Variants in DDX4 observed in about 807,000 individuals in gnomAD.
The protein encoded by DDX4 is probable ATP-dependent RNA helicase DDX4.
Under a neutral mutation model 100.0 loss-of-function variants are expected in DDX4, and 25 were observed. The observed-to-expected ratio is 0.25, with a 90% CI of 0.18 to 0.35. The LOEUF (loss-of-function observed/expected upper bound fraction) is 0.35, where lower values mean the gene tolerates loss of function less well. Among genes scored for constraint, DDX4 ranks in the 10% least tolerant of loss-of-function variants. DDX4 has a pLI of 1.00. For missense variants in DDX4, 635 were observed against 882.4 expected, an observed-to-expected ratio of 0.72 and a Z score of 3.55; for synonymous variants, 259 against 275.7, an observed-to-expected ratio of 0.94 and a Z score of 0.60.
chr5:55,815,460 G>T, intron 21 of DDX4, 37 bp downstream of exon 21: 2 of 1,585,154 alleles, frequency 1.3e-6, no homozygotes, highest in Non-Finnish European at 1.7e-6. Context: ...TTGTCTTCTA[G>T]TTACTCTTTG....
At chr5:55,766,020 C>T (rs186243825) in intron 6 of DDX4, among the ~76,000 whole-genome samples, 31 of 148,102 alleles carry the variant, frequency 2.1e-4, no homozygotes, top group Middle Eastern at 7.1e-3. Context: ...GGTTTCGTCA[C>T]GTTGGCCAGG....
rs916347839 is a variant in DDX4 at position 55,813,781 on chromosome 5, A to G, written c.1715+9A>G. 1.3e-6 allele frequency: 2 copies of G among 1,566,132 alleles called. No individual in the cohort carries two copies. Among genetic ancestry groups the G allele is most frequent in the South Asian group, 1.2e-5 (1 of 80,184 alleles). On this transcript the variant is annotated intron_variant, in intron 19 of 21. Transcript: ENST00000505374. Reference sequence around the variant, plus strand: ...ACTACAAGTATTCATGGGTGAGTAGATGAATATAATTACCTATTAGGGGAA... The same window carrying G: ...ACTACAAGTATTCATGGGTGAGTAGGTGAATATAATTACCTATTAGGGGAA...
Position 55,815,360 on chromosome 5 carries a change from A to T in DDX4, c.2034A>T (p.Thr678=), listed in dbSNP as rs767801524. The T allele has an allele frequency of 6.2e-7, 1 of 1,613,832 alleles. No homozygotes were observed. The highest frequency in any genetic ancestry group is 1.1e-5 in the South Asian group (1 of 90,918). The part of the protein sequence containing the change: ...PAWLEEIAFS[T]YIPGFSGSTR... ...GGTTGGAAGAAATTGCCTTTAGTACATACATTCCTGGCTTCAGTGGTAGTA... is the reference window on the plus strand; with the variant it reads ...GGTTGGAAGAAATTGCCTTTAGTACTTACATTCCTGGCTTCAGTGGTAGTA... Residue 678 remains threonine (T), a synonymous_variant, in exon 21 of 22, where the codon ACA becomes ACT. Transcript: ENST00000505374.
Position 55,779,959 on chromosome 5 carries a change from T to TATA in DDX4, c.395-4_395-2dup. On this transcript the variant is annotated splice_region_variant and splice_polypyrimidine_tract_variant and intron_variant, in intron 7 of 21. Coordinates refer to ENST00000505374, the MANE Select transcript of DDX4 (RefSeq NM_024415.3). ...GTTGTTCTTGTGTGTGTTTTAACAT[T>TATA]ATAGGCTATCGAGATGGAAATAATT... is the stretch of plus-strand genomic sequence containing the variant. 6.2e-7 allele frequency: 1 copy of TATA among 1,613,312 alleles called. No homozygotes were observed.
intron 7 of DDX4, among the ~76,000 whole-genome samples, chr5:55,778,590 G>A: frequency 6.6e-6 from 1 of 152,098 alleles, no homozygotes; most frequent in East Asian, 1.9e-4. Flanking sequence ...CAACAAAGTT[G>A]AATAAAAGGA....
chr5:55,764,134 T>A, intron 6 of DDX4, 70 bp downstream of exon 6: 1 of 1,168,658 alleles, frequency 8.6e-7, no homozygotes, highest in Non-Finnish European at 1.3e-6. Context: ...AAATTAAGAT[T>A]AAGTCTCTTA....
At chr5:55,774,757 T>G (rs141147407) in intron 7 of DDX4, among the ~76,000 whole-genome samples, 280 of 152,296 alleles carry the variant, frequency 1.8e-3, no homozygotes, top group African/African-American at 4.8e-3. Flanking sequence ...CTAGCACCAT[T>G]TGTTGATGTT....
At chr5:55,772,291 A>G (rs534746888) in intron 7 of DDX4, among the ~76,000 whole-genome samples, 1 of 152,292 alleles carries the variant, frequency 6.6e-6, no homozygotes, top group African/African-American at 2.4e-5. Flanking sequence ...TTTTTTCCAT[A>G]TAGATGTTCA....
At chr5:55,753,511 G>A (rs1361740919) in intron 3 of DDX4, among the ~76,000 whole-genome samples, 1 of 152,148 alleles carries the variant, frequency 6.6e-6, no homozygotes, top group African/African-American at 2.4e-5. Context: ...TGAGGGCTCT[G>A]TTCTGTTCCA....
chr5:55,773,025 A>G (rs1741346576), intron 7 of DDX4: 1 of 152,258 alleles, frequency 6.6e-6, no homozygotes, highest in Non-Finnish European at 1.5e-5. Flanking sequence ...TTGCATTGCT[A>G]TAACAAAATG....
intron 16 of DDX4, among the ~76,000 whole-genome samples, chr5:55,791,690 A>G (rs1164641903): frequency 6.6e-6 from 1 of 152,230 alleles, no homozygotes; most frequent in African/African-American, 2.4e-5. Flanking sequence ...GTATTGTCCA[A>G]TACAGTAACC....
intron 3 of DDX4, among the ~76,000 whole-genome samples, chr5:55,751,284 A>AGT (rs1408851299): frequency 6.6e-6 from 1 of 151,972 alleles, no homozygotes; most frequent in Non-Finnish European, 1.5e-5. Flanking sequence ...TCCAGGCTGG[A>AGT]GTGCAGTGCT....
chr5:55,815,246 A>T (rs1013688930), intron 20 of DDX4, 67 bp from the exon 21 acceptor site: 297 of 1,596,320 alleles, frequency 1.9e-4, no homozygotes, highest in Non-Finnish European at 2.5e-4. Flanking sequence ...ATGCATGTGT[A>T]TATAACAAGT....
chr5:55,743,654 T>G (rs1255850037), intron 2 of DDX4, among the ~76,000 whole-genome samples: 1 of 152,218 alleles, frequency 6.6e-6, no homozygotes, highest in African/African-American at 2.4e-5. Context: ...GGTCTTGAAC[T>G]CCTGACCTCA....
intron 18 of DDX4, among the ~76,000 whole-genome samples, chr5:55,800,992 A>T (rs1275940536): frequency 2.0e-5 from 3 of 152,096 alleles, no homozygotes; most frequent in Non-Finnish European, 4.4e-5. Flanking sequence ...TCATAATTTT[A>T]ATTTTAAGTC....
At chr5:55,763,754 G>A (rs1407285616) in intron 5 of DDX4, among the ~76,000 whole-genome samples, 2 of 152,112 alleles carry the variant, frequency 1.3e-5, no homozygotes, top group Non-Finnish European at 2.9e-5. Context: ...TTTTGCCCAT[G>A]TGCATACAGA....
At chr5:55,809,105 C>A (rs1260133924) in intron 18 of DDX4, among the ~76,000 whole-genome samples, 2 of 152,188 alleles carry the variant, frequency 1.3e-5, no homozygotes, top group Non-Finnish European at 2.9e-5. Flanking sequence ...GGGGGTAGGA[C>A]CCTTTGAGCC....
intron 3 of DDX4, among the ~76,000 whole-genome samples, chr5:55,755,306 T>C (rs1440282944): frequency 6.6e-6 from 1 of 152,166 alleles, no homozygotes; most frequent in Non-Finnish European, 1.5e-5. Flanking sequence ...CTAATAGTTA[T>C]TTTTTAAAAT....
At chr5:55,752,334 T>G (rs1164155272) in intron 3 of DDX4, among the ~76,000 whole-genome samples, 1 of 77,794 alleles carries the variant, frequency 1.3e-5, no homozygotes, top group Non-Finnish European at 2.5e-5. Context: ...CCCTCCCCCC[T>G]CCCCCCACCC....
Sources: gnomAD v4.1 joint callset for allele counts (sites outside exome capture counted in the v4.1 genomes callset) on GRCh38, gnomAD v4.1.1 for gene constraint, MANE v1.5 for transcripts, NCBI Gene and HGNC (gene_info 2026-07-23, HGNC 2026-07-21) for gene names.